The following LIMCH1 variants were observed in gnomAD, a reference collection of about 807,000 sequenced individuals.
LIMCH1 encodes LIM and calponin homology domains 1, also known as LIM and calponin homology domains-containing protein 1.
Under a neutral mutation model 176.5 loss-of-function variants are expected in LIMCH1, and 113 were observed. The ratio of observed to expected loss-of-function variants is 0.64; its 90% CI spans 0.55 to 0.75. LIMCH1 has a LOEUF of 0.75. Ranked by LOEUF, LIMCH1 falls within the 30% of genes least tolerant of loss-of-function variation. The probability of loss-of-function intolerance (pLI) is 0.00; values close to 1 mark genes in which losing one functional copy is unlikely to be tolerated. For synonymous variants in LIMCH1, 619 were observed against 645.9 expected (o/e 0.96, Z 0.63); for missense variants, 1,674 against 1,814.9 (o/e 0.92, Z 1.41).
At chr4:41,478,946 G>A (rs1017523882) in intron 1 of LIMCH1, among the ~76,000 whole-genome samples, 4 of 152,120 alleles carry the variant, frequency 2.6e-5, no homozygotes, top group Admixed American at 6.6e-5. Flanking sequence ...TCCCTGGGCT[G>A]TTGAACTACT....
intron 1 of LIMCH1, among the ~76,000 whole-genome samples, chr4:41,565,631 C>G (rs543461402): frequency 1.3e-5 from 2 of 152,182 alleles, no homozygotes; most frequent in South Asian, 2.1e-4. Context: ...CCAGGTACTT[C>G]TTACCACAAG....
chr4:41,592,453 A>G (rs1424791002), intron 1 of LIMCH1, among the ~76,000 whole-genome samples: 1 of 149,702 alleles, frequency 6.7e-6, no homozygotes, highest in East Asian at 1.9e-4. Context: ...TAACAATAGC[A>G]GCAACTATCT....
intron 14 of LIMCH1, among the ~76,000 whole-genome samples, chr4:41,642,990 T>G (rs913992981): frequency 1.3e-5 from 2 of 152,236 alleles, no homozygotes; most frequent in African/African-American, 4.8e-5. Flanking sequence ...AAACCTCAGC[T>G]AAGAGTCCTT....
chr4:41,386,361 C>G (rs570737838), intron 1 of LIMCH1, among the ~76,000 whole-genome samples: 2 of 152,304 alleles, frequency 1.3e-5, no homozygotes, highest in East Asian at 3.9e-4. Flanking sequence ...TACTTAACCT[C>G]TCCAAACATC....
At chr4:41,487,665 T>C (rs1582986563) in intron 1 of LIMCH1, among the ~76,000 whole-genome samples, 1 of 143,770 alleles carries the variant, frequency 7.0e-6, no homozygotes, top group East Asian at 2.0e-4. Context: ...TTTTTTTTTT[T>C]TTTTTTTTTT....
intron 8 of LIMCH1, among the ~76,000 whole-genome samples, chr4:41,627,415 A>G (rs1351592731): frequency 6.6e-6 from 1 of 152,182 alleles, no homozygotes; most frequent in Non-Finnish European, 1.5e-5. Context: ...AGTCCATTCA[A>G]AGGAAGCAGA....
intron 1 of LIMCH1, among the ~76,000 whole-genome samples, chr4:41,450,798 CAAAAAAAAAAAA>C (rs760652470): frequency 0.012 from 608 of 50,660 alleles, 6 homozygotes; most frequent in Admixed American, 0.017. Flanking sequence ...CTCTCTCTCT[CAAAAAAAAAAAA>C]AAAAAAAAAA....
chr4:41,556,529 C>G (rs527568635), intron 1 of LIMCH1, among the ~76,000 whole-genome samples: 10 of 152,106 alleles, frequency 6.6e-5, no homozygotes, highest in Non-Finnish European at 8.8e-5. Context: ...TTTTGAGTGC[C>G]CTGATGTGCC....
intron 14 of LIMCH1, 147 bp from the exon 15 acceptor site, chr4:41,644,353 C>A (rs963666022): frequency 6.3e-6 from 7 of 1,106,572 alleles, no homozygotes; most frequent in Admixed American, 7.7e-5. Flanking sequence ...GGCCAGAACA[C>A]ACCGCCAGTC....
chr4:41,365,204 C>T (rs937951129), intron 1 of LIMCH1, among the ~76,000 whole-genome samples: 1 of 152,186 alleles, frequency 6.6e-6, no homozygotes, highest in Non-Finnish European at 1.5e-5. Context: ...AGAGTGTGCC[C>T]ATGGGGCTTG....
chr4:41,414,215 C>A (rs570294423), intron 1 of LIMCH1, among the ~76,000 whole-genome samples: 1 of 152,178 alleles, frequency 6.6e-6, no homozygotes, highest in East Asian at 1.9e-4. Context: ...AACCACTGAT[C>A]ACTGACAGAT....
intron 2 of LIMCH1, among the ~76,000 whole-genome samples, chr4:41,523,057 A>G (rs917251074): frequency 1.2e-4 from 18 of 152,238 alleles, no homozygotes; most frequent in African/African-American, 3.9e-4. Context: ...AAAATGGAAT[A>G]TCCTGTCTGT....
intron 1 of LIMCH1, among the ~76,000 whole-genome samples, chr4:41,487,809 C>T (rs1446100522): frequency 2.6e-5 from 4 of 151,526 alleles, no homozygotes; most frequent in East Asian, 1.9e-4. Context: ...CCTGCCACCA[C>T]GCCCGGCTAA....
chr4:41,408,264 G>A (rs140902517), intron 1 of LIMCH1, among the ~76,000 whole-genome samples: 1 of 152,162 alleles, frequency 6.6e-6, no homozygotes, highest in Admixed American at 6.5e-5. Context: ...AGATGGCTGG[G>A]TTAGAGCAGG....
rs1430894429 is a variant in LIMCH1 at position 41,698,490 on chromosome 4, C to T, written c.*1305C>T. 1 of 149,190 alleles carries T rather than the reference C, an allele frequency of 6.7e-6. No individual in the cohort carries two copies. Among genetic ancestry groups the T allele is most frequent in the African/African-American group, 2.5e-5 (1 of 40,270 alleles). The allele number at this position is 149,190 out of a possible 1,614,324, so 9.2% of individuals were successfully genotyped here. A position where few individuals can be genotyped will look rare whatever the true frequency, so the allele number is the denominator to read the frequency against. On this transcript the variant is annotated 3_prime_UTR_variant, in exon 32 of 32. Transcript: ENST00000503057. The stretch of plus-strand genomic sequence containing the variant: ...AAGCATCACAATGTAGATCTCCAGG[C>T]TGGTTTTTTGTTTTTTGTTGTTAAG...
At chr4:41,514,546 G>C (rs371649459) in intron 2 of LIMCH1, among the ~76,000 whole-genome samples, 5 of 152,282 alleles carry the variant, frequency 3.3e-5, no homozygotes, top group African/African-American at 9.6e-5. Flanking sequence ...GGGCAGACTA[G>C]AGGTGAGAGG....
chr4:41,504,052 A>G (rs929354909), intron 2 of LIMCH1, among the ~76,000 whole-genome samples: 3 of 152,144 alleles, frequency 2.0e-5, no homozygotes, highest in East Asian at 1.9e-4. Flanking sequence ...CTTTTAATTT[A>G]TAGTACCCCC....
At chr4:41,509,806 CAAAT>C (rs2074639186) in intron 2 of LIMCH1, among the ~76,000 whole-genome samples, 1 of 152,140 alleles carries the variant, frequency 6.6e-6, no homozygotes, top group South Asian at 2.1e-4. Flanking sequence ...GAATCCTCAC[CAAAT>C]AAATAGCCCT....
chr4:41,520,749 T>A (rs2076038723), intron 2 of LIMCH1, among the ~76,000 whole-genome samples: 1 of 152,186 alleles, frequency 6.6e-6, no homozygotes, highest in Non-Finnish European at 1.5e-5. Flanking sequence ...TTATTTGTAG[T>A]TGTGGGTATA....
Sources: gnomAD v4.1 joint callset for allele counts (sites outside exome capture counted in the v4.1 genomes callset) on GRCh38, gnomAD v4.1.1 for gene constraint, MANE v1.5 for transcripts, NCBI Gene and HGNC (gene_info 2026-07-23, HGNC 2026-07-21) for gene names.